Variants in SLC25A21 observed in about 807,000 individuals in gnomAD.
The protein encoded by SLC25A21 is solute carrier family 25 member 21.
In SLC25A21, 47 loss-of-function variants were observed where a neutral mutation model predicts 43.8. The observed-to-expected ratio is 1.07, with a 90% CI of 0.85 to 1.37. The LOEUF (loss-of-function observed/expected upper bound fraction) is 1.37. Among genes scored for constraint, SLC25A21 ranks in the 40% most tolerant of loss-of-function variants. The pLI, the probability that SLC25A21 is intolerant of heterozygous loss-of-function variation, is 0.00. For missense variants in SLC25A21, 352 were observed against 350.2 expected (o/e 1.00, Z -0.04); for synonymous variants, 131 against 121.3 (o/e 1.08, Z -0.52).
intron 2 of SLC25A21, among the ~76,000 whole-genome samples, chr14:36,862,809 A>G (rs949813002): frequency 6.6e-6 from 1 of 152,200 alleles, no homozygotes; most frequent in African/African-American, 2.4e-5. Flanking sequence ...TAACACTTAG[A>G]AAAATATCCC....
At chr14:37,172,152 G>C (rs1380711871) in intron 1 of SLC25A21, 129 bp downstream of exon 1, 2 of 989,918 alleles carry the variant, frequency 2.0e-6, no homozygotes, top group Non-Finnish European at 3.0e-6. Context: ...CTCAAGCACT[G>C]CTCCGGGAGC....
chr14:37,165,178 A>G (rs144316587), intron 1 of SLC25A21, among the ~76,000 whole-genome samples: 50 of 152,184 alleles, frequency 3.3e-4, no homozygotes, highest in Middle Eastern at 3.4e-3. Context: ...GGAGTTTGAG[A>G]CCAACCTGGC....
In SLC25A21 at chr14:36,698,299, C is replaced by T. The variant is rs1220286225; in HGVS notation, c.603+13019G>A. Among the ~76,000 whole-genome samples the T allele has an allele frequency of 2.6e-5, 4 of 152,172 alleles. No homozygotes were observed. In the East Asian group the frequency reaches 5.8e-4, roughly 22 times the overall value. On this transcript the variant is annotated intron_variant, in intron 7 of 9. Coordinates refer to ENST00000331299, the MANE Select transcript of SLC25A21 (RefSeq NM_030631.4). ...AGAAATCTGCTGTTAATATGATGGG[C>T]TTCCTTTTCTGGGTAACCTGACCTT...
intron 7 of SLC25A21, among the ~76,000 whole-genome samples, chr14:36,700,492 T>A (rs984509272): frequency 1.3e-5 from 2 of 152,152 alleles, no homozygotes; most frequent in African/African-American, 2.4e-5. Flanking sequence ...CAGCTGTGGG[T>A]ATACTCTGAA....
At chr14:36,751,389 AC>A (rs896517874) in intron 3 of SLC25A21, among the ~76,000 whole-genome samples, 1 of 152,332 alleles carries the variant, frequency 6.6e-6, no homozygotes, top group Non-Finnish European at 1.5e-5. Flanking sequence ...TATGCAATGA[AC>A]CAACAAAGAA....
At chr14:37,063,229 G>T (rs941553628) in intron 1 of SLC25A21, among the ~76,000 whole-genome samples, 3 of 152,130 alleles carry the variant, frequency 2.0e-5, no homozygotes, top group Non-Finnish European at 4.4e-5. Flanking sequence ...TCCAGGTGAG[G>T]TGGCTCACAC....
At chr14:36,732,037 A>G (rs1484997022) in intron 4 of SLC25A21, among the ~76,000 whole-genome samples, 1 of 151,990 alleles carries the variant, frequency 6.6e-6, no homozygotes, top group Non-Finnish European at 1.5e-5. Flanking sequence ...GTGTCTTGAA[A>G]ACTGTTATTT....
At chr14:37,028,253 A>G (rs1456936925) in intron 1 of SLC25A21, among the ~76,000 whole-genome samples, 3 of 147,672 alleles carry the variant, frequency 2.0e-5, no homozygotes, top group South Asian at 2.2e-4. Flanking sequence ...GGTTGAGAAG[A>G]AAAAAAATTA....
intron 1 of SLC25A21, among the ~76,000 whole-genome samples, chr14:37,080,691 A>G: frequency 6.6e-6 from 1 of 152,208 alleles, no homozygotes; most frequent in East Asian, 1.9e-4. Flanking sequence ...TTATTTGTAT[A>G]TGTCTTCTTT....
intron 1 of SLC25A21, among the ~76,000 whole-genome samples, chr14:36,949,786 G>A (rs1047581065): frequency 6.6e-6 from 1 of 152,192 alleles, no homozygotes; most frequent in African/African-American, 2.4e-5. Context: ...GAGGAAACAG[G>A]AGATGCTTTT....
intron 1 of SLC25A21, among the ~76,000 whole-genome samples, chr14:37,014,638 T>C (rs956401330): frequency 1.1e-4 from 16 of 152,174 alleles, no homozygotes; most frequent in Non-Finnish European, 2.2e-4. Context: ...TAAATGCTCT[T>C]AATGGCATTC....
intron 3 of SLC25A21, among the ~76,000 whole-genome samples, chr14:36,812,402 A>G (rs1888301800): frequency 6.6e-6 from 1 of 151,646 alleles, no homozygotes; most frequent in South Asian, 2.1e-4. Flanking sequence ...TGATCCTGTA[A>G]GTCCATAGCT....
chr14:36,680,068 A>G lies in SLC25A21; in HGVS notation c.*590T>C. 1 of 869,180 alleles carries G rather than the reference A, an allele frequency of 1.2e-6. No individual in the cohort carries two copies. The allele number at this position is 869,180 out of a possible 1,614,324, so 53.8% of individuals were successfully genotyped here. On this transcript the variant is annotated 3_prime_UTR_variant, in exon 10 of 10. Coordinates refer to ENST00000331299, the MANE Select transcript of SLC25A21 (RefSeq NM_030631.4). ...AAATAGAGCTGATATGTGCATAGTTACTAAAAAAAACCAACAGATTTACAT... is the reference window on the plus strand; with the variant it reads ...AAATAGAGCTGATATGTGCATAGTTGCTAAAAAAAACCAACAGATTTACAT...
chr14:36,927,247 C>G (rs1202908199), intron 1 of SLC25A21, among the ~76,000 whole-genome samples: 1 of 152,158 alleles, frequency 6.6e-6, no homozygotes, highest in Non-Finnish European at 1.5e-5. Flanking sequence ...GGTACAAGAA[C>G]CCTAAATGTA....
chr14:36,874,226 G>A (rs1480854127), intron 2 of SLC25A21, among the ~76,000 whole-genome samples: 1 of 152,136 alleles, frequency 6.6e-6, no homozygotes, highest in African/African-American at 2.4e-5. Flanking sequence ...CAGCATTGTT[G>A]GCTGTTAGGC....
chr14:36,745,044 C>G (rs562763311), intron 3 of SLC25A21, among the ~76,000 whole-genome samples: 1 of 146,558 alleles, frequency 6.8e-6, no homozygotes, highest in African/African-American at 2.5e-5. Flanking sequence ...CTCCCTGTGT[C>G]CATGTGTTCT....
chr14:36,761,683 C>T (rs1463254947), intron 3 of SLC25A21, among the ~76,000 whole-genome samples: 1 of 152,136 alleles, frequency 6.6e-6, no homozygotes, highest in Admixed American at 6.5e-5. Flanking sequence ...TAAGAATTAA[C>T]ATGGGATAGA....
intron 7 of SLC25A21, among the ~76,000 whole-genome samples, chr14:36,696,553 T>C (rs1883031893): frequency 6.6e-6 from 1 of 152,248 alleles, no homozygotes; most frequent in Admixed American, 6.5e-5. Context: ...TTTTTTTGGT[T>C]GGTAGGCTAT....
At chr14:36,716,809 G>C (rs1189437761) in intron 6 of SLC25A21, among the ~76,000 whole-genome samples, 1 of 152,242 alleles carries the variant, frequency 6.6e-6, no homozygotes, top group Non-Finnish European at 1.5e-5. Flanking sequence ...ACCAGTCAGA[G>C]TATGGCCAGT....
Sources: gnomAD v4.1 joint callset for allele counts (sites outside exome capture counted in the v4.1 genomes callset) on GRCh38, gnomAD v4.1.1 for gene constraint, MANE v1.5 for transcripts, NCBI Gene and HGNC (gene_info 2026-07-23, HGNC 2026-07-21) for gene names.